Variants in KLRG1 observed in about 807,000 individuals in gnomAD.
KLRG1 encodes killer cell lectin like receptor G1, also known as killer cell lectin-like receptor subfamily G member 1.
KLRG1 carries 16 observed loss-of-function variants against 21.8 expected under a neutral mutation model. The observed-to-expected ratio is 0.73, with a 90% CI of 0.50 to 1.11. The LOEUF is 1.11. KLRG1 is among the 50% of genes most tolerant of loss of function. The probability of loss-of-function intolerance (pLI) is 0.00; values close to 1 mark genes in which losing one functional copy is unlikely to be tolerated. For synonymous variants in KLRG1, 69 were observed against 75.9 expected, an observed-to-expected ratio of 0.91 and a Z score of 0.47; for missense variants, 173 against 218.3, an observed-to-expected ratio of 0.79 and a Z score of 1.31.
At chr12:9,028,215 G>C in the KLRG1 span, 1 of 550,028 alleles carries the variant, frequency 1.8e-6, no homozygotes, top group Non-Finnish European at 3.2e-6. Flanking sequence ...GCAATGGTGT[G>C]ATCTCGGCTC....
At chr12:9,178,019 T>C in the KLRG1 span, among the ~76,000 whole-genome samples, 1 of 152,220 alleles carries the variant, frequency 6.6e-6, no homozygotes, top group South Asian at 2.1e-4. Context: ...TACAGAAATA[T>C]AGTCATTGTC....
chr12:9,077,666 A>G, the KLRG1 span: 2 of 1,608,648 alleles, frequency 1.2e-6, no homozygotes, highest in East Asian at 2.2e-5. Context: ...AGATATCATA[A>G]TGGACAAATC....
At chr12:9,017,952 G>A in the KLRG1 span, among the ~76,000 whole-genome samples, 1 of 152,136 alleles carries the variant, frequency 6.6e-6, no homozygotes, top group African/African-American at 2.4e-5. Flanking sequence ...AAAATCAGTA[G>A]CATTTCTATA....
chr12:9,052,867 C>A, the KLRG1 span: 2 of 454,654 alleles, frequency 4.4e-6, no homozygotes, highest in Admixed American at 2.4e-5. Context: ...TAAAGCAGTG[C>A]CAGGCAGATG....
chr12:9,150,826 CT>C, the KLRG1 span: 1 of 897,068 alleles, frequency 1.1e-6, no homozygotes, highest in Admixed American at 2.1e-5. Flanking sequence ...TCTTATTGTT[CT>C]TTGACTCTTT....
chr12:8,967,918 TCATAA>T (rs1218327969), intron 1 of KLRG1, among the ~76,000 whole-genome samples: 2 of 133,784 alleles, frequency 1.5e-5, no homozygotes, highest in South Asian at 2.3e-4. Flanking sequence ...CCTAGAGCAA[TCATAA>T]CAGAAAGAAA....
chr12:9,054,667 A>G, the KLRG1 span, among the ~76,000 whole-genome samples: 33 of 152,248 alleles, frequency 2.2e-4, no homozygotes, highest in African/African-American at 7.5e-4. Flanking sequence ...TGAACACTAG[A>G]TCTTATTCCT....
intron 1 of KLRG1, among the ~76,000 whole-genome samples, chr12:8,983,395 C>CTTTTTT (rs764267755): frequency 3.4e-5 from 3 of 89,540 alleles, no homozygotes; most frequent in African/African-American, 9.2e-5. Flanking sequence ...ACCATTTTAC[C>CTTTTTT]TTTTTTTTTT....
At chr12:9,107,572 G>A in the KLRG1 span, 1 of 1,613,964 alleles carries the variant, frequency 6.2e-7, no homozygotes. Flanking sequence ...CACCGTGGCA[G>A]TCGGAAGCGT....
At chr12:9,192,850 C>G in the KLRG1 span, 1 of 694,014 alleles carries the variant, frequency 1.4e-6, no homozygotes, top group African/African-American at 1.8e-5. Flanking sequence ...TACACTATGC[C>G]TCTCCCTCAT....
chr12:9,166,372 A>C, the KLRG1 span, among the ~76,000 whole-genome samples: 1 of 152,196 alleles, frequency 6.6e-6, no homozygotes. Flanking sequence ...TTCCCTGAAA[A>C]GAGAGGAGTC....
At chr12:8,954,160 T>C (rs1946250444) in intron 1 of KLRG1, among the ~76,000 whole-genome samples, 1 of 152,146 alleles carries the variant, frequency 6.6e-6, no homozygotes, top group South Asian at 2.1e-4. Context: ...GAGGACATCA[T>C]GCTGAGTGAA....
the KLRG1 span, chr12:9,158,632 C>G: frequency 6.4e-7 from 1 of 1,554,068 alleles, no homozygotes; most frequent in Admixed American, 1.8e-5. Flanking sequence ...CTTTACTGCT[C>G]TGTTTTGTAC....
chr12:9,173,679 A>G, the KLRG1 span, among the ~76,000 whole-genome samples: 2 of 152,218 alleles, frequency 1.3e-5, no homozygotes, highest in South Asian at 4.1e-4. Flanking sequence ...GCAAACAACC[A>G]TCCGCAAATA....
the KLRG1 span, among the ~76,000 whole-genome samples, chr12:9,179,777 T>A: frequency 2.0e-5 from 3 of 152,226 alleles, no homozygotes; most frequent in Non-Finnish European, 4.4e-5. Context: ...GACTATCACG[T>A]AGGTGGGGAA....
chr12:9,051,263 A>G, the KLRG1 span, among the ~76,000 whole-genome samples: 138 of 152,192 alleles, frequency 9.1e-4, no homozygotes, highest in African/African-American at 3.2e-3. Context: ...ACTTCCAGAG[A>G]CGGGATTACC....
intron 1 of KLRG1, among the ~76,000 whole-genome samples, chr12:8,958,225 G>T (rs1353629409): frequency 6.6e-6 from 1 of 152,082 alleles, no homozygotes; most frequent in Non-Finnish European, 1.5e-5. Context: ...TAATTTTTGT[G>T]TATAGTTGAG....
chr12:9,169,616 C>T, the KLRG1 span: 1 of 1,554,584 alleles, frequency 6.4e-7, no homozygotes, highest in South Asian at 1.2e-5. Flanking sequence ...GGATCAAAGG[C>T]AGAACTGTTA....
At chr12:9,175,398 G>A in the KLRG1 span, among the ~76,000 whole-genome samples, 8 of 151,996 alleles carry the variant, frequency 5.3e-5, no homozygotes, top group Admixed American at 1.3e-4. Context: ...GGAGATAGGC[G>A]CAGGCAAAGA....
Sources: gnomAD v4.1 joint callset for allele counts (sites outside exome capture counted in the v4.1 genomes callset) on GRCh38, gnomAD v4.1.1 for gene constraint, MANE v1.5 for transcripts, NCBI Gene and HGNC (gene_info 2026-07-23, HGNC 2026-07-21) for gene names.